Variants in CNTNAP2 observed in about 807,000 individuals in gnomAD.
The protein encoded by CNTNAP2 is contactin-associated protein-like 2.
In CNTNAP2, 98 loss-of-function variants were observed where a neutral mutation model predicts 155.2. The ratio of observed to expected loss-of-function variants is 0.63; its 90% CI spans 0.54 to 0.75. The LOEUF is 0.75. Among genes scored for constraint, CNTNAP2 ranks in the 30% least tolerant of loss-of-function variants. The probability of loss-of-function intolerance (pLI) is 0.00; values close to 1 mark genes in which losing one functional copy is unlikely to be tolerated. For synonymous variants in CNTNAP2, 651 were observed against 631.2 expected (o/e 1.03, Z -0.47); for missense variants, 1,727 against 1,688.1 (o/e 1.02, Z -0.40).
intron 1 of CNTNAP2, among the ~76,000 whole-genome samples, chr7:146,733,181 G>A (rs187343545): frequency 2.6e-5 from 4 of 151,988 alleles, no homozygotes; most frequent in African/African-American, 4.8e-5. Context: ...AAGAGCCCAC[G>A]GGAAATAGGT....
chr7:146,881,837 G>A (rs1795559103), intron 3 of CNTNAP2, among the ~76,000 whole-genome samples: 2 of 150,156 alleles, frequency 1.3e-5, no homozygotes, highest in Non-Finnish European at 3.0e-5. Flanking sequence ...TTAGAGTCAG[G>A]GGATACATAT....
At chr7:148,411,356 C>CT in intron 23 of CNTNAP2, among the ~76,000 whole-genome samples, 1 of 152,268 alleles carries the variant, frequency 6.6e-6, no homozygotes, top group Non-Finnish European at 1.5e-5. Flanking sequence ...ATCTCTGCCT[C>CT]CCGGGTTCAA....
chr7:147,434,181 T>G (rs954019710), intron 10 of CNTNAP2, among the ~76,000 whole-genome samples: 1 of 152,210 alleles, frequency 6.6e-6, no homozygotes, highest in African/African-American at 2.4e-5. Flanking sequence ...TATTTGCTAA[T>G]AGTTGTAGTA....
chr7:146,419,629 A>G (rs1359977432), intron 1 of CNTNAP2, among the ~76,000 whole-genome samples: 1 of 152,166 alleles, frequency 6.6e-6, no homozygotes, highest in Admixed American at 6.6e-5. Flanking sequence ...GACATTTTTC[A>G]AAAGAAGACC....
chr7:146,804,271 T>C lies in CNTNAP2; in HGVS notation c.208+29890T>C, dbSNP rs79520335. Among the ~76,000 whole-genome samples, 588 of 152,306 alleles carry C rather than the reference T, an allele frequency of 3.9e-3. 7 individuals carry two copies. The highest frequency in any genetic ancestry group is 0.014 in the African/African-American group (564 of 41,558). ...GACTGATATTACCTTTAGATGCTAA[T>C]GATTTATTTGATAGAAATACATTTT... On this transcript the variant is annotated intron_variant, in intron 2 of 23. Coordinates refer to ENST00000361727, the MANE Select transcript of CNTNAP2 (RefSeq NM_014141.6).
At chr7:147,934,126 G>A (rs564703199) in intron 14 of CNTNAP2, among the ~76,000 whole-genome samples, 10 of 152,314 alleles carry the variant, frequency 6.6e-5, no homozygotes, top group East Asian at 5.8e-4. Context: ...GGTATACAAC[G>A]TAGTGCTTAC....
At chr7:146,868,917 T>G (rs1285596845) in intron 3 of CNTNAP2, among the ~76,000 whole-genome samples, 1 of 152,182 alleles carries the variant, frequency 6.6e-6, no homozygotes, top group African/African-American at 2.4e-5. Context: ...GCTTTTGGTC[T>G]GAGACTATGT....
chr7:146,894,715 T>A (rs573922602), intron 3 of CNTNAP2, among the ~76,000 whole-genome samples: 2 of 152,288 alleles, frequency 1.3e-5, no homozygotes, highest in East Asian at 3.9e-4. Flanking sequence ...TGTTCTTTAA[T>A]ATTTAATTTA....
intron 20 of CNTNAP2, among the ~76,000 whole-genome samples, chr7:148,253,331 A>T (rs1406023787): frequency 6.6e-6 from 1 of 152,150 alleles, no homozygotes. Flanking sequence ...TTCCTCCTTC[A>T]AAACGCCTCC....
chr7:146,535,257 T>TTATATCATATATATTATATCA, intron 1 of CNTNAP2, among the ~76,000 whole-genome samples: 1 of 55,478 alleles, frequency 1.8e-5, no homozygotes, highest in Admixed American at 2.5e-4. Flanking sequence ...ATATATGATA[T>TTATATCATATATATTATATCA]TATATCATAT....
chr7:147,269,967 T>C (rs899094444), intron 8 of CNTNAP2, among the ~76,000 whole-genome samples: 3 of 152,032 alleles, frequency 2.0e-5, no homozygotes, highest in Non-Finnish European at 4.4e-5. Flanking sequence ...GAGGCTGAGA[T>C]GGAAGAATAG....
chr7:147,150,522 T>C (rs1254472398), intron 8 of CNTNAP2, among the ~76,000 whole-genome samples: 1 of 152,196 alleles, frequency 6.6e-6, no homozygotes, highest in Non-Finnish European at 1.5e-5. Flanking sequence ...CTTGACTAAG[T>C]GCAAGGCAGA....
At chr7:148,358,211 C>T (rs1229470585) in intron 21 of CNTNAP2, among the ~76,000 whole-genome samples, 1 of 152,132 alleles carries the variant, frequency 6.6e-6, no homozygotes, top group Non-Finnish European at 1.5e-5. Flanking sequence ...GGTCAGAGCA[C>T]AAAGAGACTT....
At chr7:146,442,337 C>G (rs535220562) in intron 1 of CNTNAP2, among the ~76,000 whole-genome samples, 1 of 149,288 alleles carries the variant, frequency 6.7e-6, no homozygotes, top group East Asian at 1.9e-4. Flanking sequence ...TATGATACAT[C>G]TAAGTGTAGG....
intron 1 of CNTNAP2, among the ~76,000 whole-genome samples, chr7:146,762,617 C>T (rs967371729): frequency 4.6e-5 from 7 of 151,818 alleles, no homozygotes; most frequent in African/African-American, 1.7e-4. Flanking sequence ...AAAAAACAAA[C>T]AAAAAAAGAA....
chr7:147,864,741 G>T (rs1051301544), intron 13 of CNTNAP2, among the ~76,000 whole-genome samples: 1 of 152,126 alleles, frequency 6.6e-6, no homozygotes, highest in Non-Finnish European at 1.5e-5. Flanking sequence ...TCTGTTATTG[G>T]TGTATAGGAA....
At chr7:146,833,333 G>A (rs1803551894) in intron 2 of CNTNAP2, among the ~76,000 whole-genome samples, 1 of 152,020 alleles carries the variant, frequency 6.6e-6, no homozygotes, top group African/African-American at 2.4e-5. Context: ...TCATTTGCAT[G>A]TTCTTCTTGA....
chr7:148,277,263 C>A lies in CNTNAP2; in HGVS notation c.3475+10137C>A, dbSNP rs865917847. On this transcript the variant is annotated intron_variant, in intron 21 of 23. Coordinates refer to ENST00000361727, the MANE Select transcript of CNTNAP2 (RefSeq NM_014141.6). ...CCTGTGTCCCTGAGTGCTCTTCTGGCCTTGGAGCTTAAATCTGTGGTTGAT... is the reference window on the plus strand; with the variant it reads ...CCTGTGTCCCTGAGTGCTCTTCTGGACTTGGAGCTTAAATCTGTGGTTGAT... Among the ~76,000 whole-genome samples the A allele has an allele frequency of 2.5e-4, 38 of 152,216 alleles. 1 individual carries two copies. In the Middle Eastern group the frequency reaches 0.014, roughly 55 times the overall value.
At chr7:146,343,476 C>G (rs1013308673) in intron 1 of CNTNAP2, among the ~76,000 whole-genome samples, 3 of 152,042 alleles carry the variant, frequency 2.0e-5, no homozygotes, top group Non-Finnish European at 2.9e-5. Flanking sequence ...GTAAAAATAA[C>G]CACACTCATG....
Sources: gnomAD v4.1 joint callset for allele counts (sites outside exome capture counted in the v4.1 genomes callset) on GRCh38, gnomAD v4.1.1 for gene constraint, MANE v1.5 for transcripts, NCBI Gene and HGNC (gene_info 2026-07-23, HGNC 2026-07-21) for gene names.